Variants in ANO5 observed in about 807,000 individuals in gnomAD.
ANO5 encodes the protein anoctamin 5, also known as anoctamin-5.
ANO5 carries 109 observed loss-of-function variants against 121.0 expected under a neutral mutation model. The ratio of observed to expected loss-of-function variants is 0.90; its 90% CI spans 0.77 to 1.06. The LOEUF (loss-of-function observed/expected upper bound fraction) is 1.06. ANO5 is among the 50% of genes least tolerant of loss of function. The pLI is 0.00. For missense variants in ANO5, 1,064 were observed against 1,078.5 expected (o/e 0.99, Z 0.19); for synonymous variants, 406 against 359.9 (o/e 1.13, Z -1.45).
At chr11:22,245,327 G>A (rs1341761482) in intron 9 of ANO5, among the ~76,000 whole-genome samples, 1 of 152,154 alleles carries the variant, frequency 6.6e-6, no homozygotes, top group Non-Finnish European at 1.5e-5. Context: ...AGACCCCTCT[G>A]ATCGCTGGCA....
At chr11:22,214,481 T>A (rs1304031079) in intron 3 of ANO5, among the ~76,000 whole-genome samples, 1 of 151,952 alleles carries the variant, frequency 6.6e-6, no homozygotes, top group Non-Finnish European at 1.5e-5. Flanking sequence ...AAAGACTTTT[T>A]ACAAAGATGG....
chr11:22,274,533 G>C, intron 19 of ANO5, 36 bp from the exon 20 acceptor site: 1 of 1,538,124 alleles, frequency 6.5e-7, no homozygotes, highest in Non-Finnish European at 8.7e-7. Flanking sequence ...TAAATTGGCA[G>C]CTGATGATCT....
At chr11:22,260,103 T>G (rs1854145362) in intron 15 of ANO5, among the ~76,000 whole-genome samples, 1 of 152,226 alleles carries the variant, frequency 6.6e-6, no homozygotes, top group Non-Finnish European at 1.5e-5. Flanking sequence ...TATAAAGTAT[T>G]GATTTTGGAA....
At position 22,250,942 on chromosome 11, in the gene ANO5, T is replaced by G. The variant is rs1334854466; in HGVS notation, c.1120-9T>G. ...TATCTTTGTGATATTGTTATTGTTA[T>G]TTTTACAGTTCTCCCATTTGTTTGA... On this transcript the variant is annotated splice_polypyrimidine_tract_variant and intron_variant, in intron 11 of 21. Transcript: ENST00000324559. 6.2e-7 allele frequency: 1 copy of G among 1,612,116 alleles called. No individual in the cohort carries two copies. Among genetic ancestry groups the G allele is most frequent in the Non-Finnish European group, 8.5e-7 (1 of 1,178,670 alleles).
Position 22,255,434 on chromosome 11 carries a change from T to G in ANO5, c.1244T>G (p.Val415Gly). ...QARLEYEWDL[V>G]DFEEEQQQLQ... ...AGACTGGAATATGAATGGGACCTGG[T>G]GGACTTTGAAGAGGAACAGCAGCAG... Residue 415 changes from valine to glycine, a missense_variant, in exon 13 of 22, where the codon GTG becomes GGG. Physicochemically the swap from Val to Gly is moderately radical, Grantham distance 109 (BLOSUM62 -3). Coordinates refer to ENST00000324559, the MANE Select transcript of ANO5 (RefSeq NM_213599.3). 1 of 1,613,294 alleles carries G rather than the reference T, an allele frequency of 6.2e-7. No individual in the cohort carries two copies. The highest frequency in any genetic ancestry group is 8.5e-7 in the Non-Finnish European group (1 of 1,179,442).
intron 12 of ANO5, among the ~76,000 whole-genome samples, chr11:22,251,774 C>T (rs1853823290): frequency 6.6e-6 from 1 of 151,432 alleles, no homozygotes; most frequent in Non-Finnish European, 1.5e-5. Context: ...TGCCTGTAAT[C>T]CTAGCACTTT....
chr11:22,277,582 T>C (rs998499292), intron 21 of ANO5, among the ~76,000 whole-genome samples: 4 of 151,568 alleles, frequency 2.6e-5, no homozygotes, highest in African/African-American at 7.3e-5. Context: ...CTGTTTCCTG[T>C]CTTATATTCT....
Position 22,193,576 on chromosome 11 carries a change from G to T in ANO5, c.40+44G>T. The T allele has an allele frequency of 1.3e-6, 2 of 1,599,786 alleles. 1 individual carries two copies. The highest frequency in any genetic ancestry group is 2.2e-5 in the South Asian group (2 of 88,962). ...GCGTCAAGGGAGAGCCAGGCTGGCTGCCTGCACCCCTCCACCCGCGGCGCA... is the reference window on the plus strand; with the variant it reads ...GCGTCAAGGGAGAGCCAGGCTGGCTTCCTGCACCCCTCCACCCGCGGCGCA... On this transcript the variant is annotated intron_variant, in intron 1 of 21. Transcript: ENST00000324559.
At chr11:22,277,250 C>T (rs187766336) in intron 21 of ANO5, among the ~76,000 whole-genome samples, 16 of 151,538 alleles carry the variant, frequency 1.1e-4, no homozygotes, top group African/African-American at 3.9e-4. Context: ...ATAATTAAAG[C>T]ATATTTTTTT....
At chr11:22,257,209 T>C (rs546281642) in intron 13 of ANO5, among the ~76,000 whole-genome samples, 1 of 152,102 alleles carries the variant, frequency 6.6e-6, no homozygotes, top group African/African-American at 2.4e-5. Flanking sequence ...TCCTAAAGAC[T>C]AAAGGTGGAA....
chr11:22,212,435 T>G (rs1441613682), intron 3 of ANO5, among the ~76,000 whole-genome samples: 1 of 151,980 alleles, frequency 6.6e-6, no homozygotes, highest in Non-Finnish European at 1.5e-5. Flanking sequence ...GGAATTAGTC[T>G]TATAATATTT....
Position 22,280,319 on chromosome 11 carries a change from C to T in ANO5, c.*554C>T, listed in dbSNP as rs117180492. On this transcript the variant is annotated 3_prime_UTR_variant, in exon 22 of 22. Coordinates refer to ENST00000324559, the MANE Select transcript of ANO5 (RefSeq NM_213599.3). ...TAATGTATCATAGCAGAGGTTTATT[C>T]CTAACACATTCAACTACCATCAGAA... The T allele has an allele frequency of 0.026, 3,883 of 152,146 alleles. 75 individuals carry two copies. Among genetic ancestry groups the T allele is most frequent in the South Asian group, 0.05 (241 of 4,838 alleles). The allele number at this position is 152,146 out of a possible 1,614,324, so 9.4% of individuals were successfully genotyped here. A position where few individuals can be genotyped will look rare whatever the true frequency, so the allele number is the denominator to read the frequency against.
intron 3 of ANO5, among the ~76,000 whole-genome samples, chr11:22,214,737 C>G (rs553031051): frequency 6.6e-5 from 10 of 151,838 alleles, no homozygotes; most frequent in Non-Finnish European, 1.3e-4. Context: ...GTCAAGGGAG[C>G]TCTTTGGTTA....
Position 22,263,185 on chromosome 11 carries a change from G to C in ANO5, c.1898+142G>C. ...AAGAAAGCTTTATTTTTAATCAACA[G>C]TGAAGGTTGCATTAAAGTAATATAA... On this transcript the variant is annotated intron_variant, in intron 17 of 21. Coordinates refer to ENST00000324559, the MANE Select transcript of ANO5 (RefSeq NM_213599.3). The C allele has an allele frequency of 4.6e-6, 3 of 656,470 alleles. 1 individual carries two copies. The highest frequency in any genetic ancestry group is 7.9e-6 in the Non-Finnish European group (3 of 382,118). 40.7% of individuals were successfully genotyped at this position (656,470 alleles called of 1,614,324 possible). A position where few individuals can be genotyped will look rare whatever the true frequency, so the allele number is the denominator to read the frequency against.
rs1853618019 is a variant in ANO5, at chr11:22,246,446, T to G, written c.879-3791T>G. Among the ~76,000 whole-genome samples the G allele has an allele frequency of 6.6e-5, 10 of 152,130 alleles. No homozygotes were observed. In the South Asian group the frequency reaches 1.9e-3, roughly 28 times the overall value. Reference sequence around the variant, plus strand: ...GTAATTTGAGGATCATGACTTTCTCTGTCATGATACTGAAGGCCTGTATTG... The same window carrying G: ...GTAATTTGAGGATCATGACTTTCTCGGTCATGATACTGAAGGCCTGTATTG... On this transcript the variant is annotated intron_variant, in intron 9 of 21. Transcript: ENST00000324559.
chr11:22,218,742 G>A (rs117327134), intron 4 of ANO5, among the ~76,000 whole-genome samples: 9,713 of 151,914 alleles, frequency 0.064, 427 homozygotes, highest in South Asian at 0.1. Context: ...TGTATTTTTA[G>A]GAGAGATGAG....
At position 22,279,975 on chromosome 11, in the gene ANO5, C is replaced by G. The variant is rs182259314; in HGVS notation, c.*210C>G. On this transcript the variant is annotated 3_prime_UTR_variant, in exon 22 of 22. Transcript: ENST00000324559. ...ACTTCTCTGCTTCATTGACTGGGCC[C>G]TCTCCAGATGTTGTTTTCTGAGGTG... is the stretch of plus-strand genomic sequence containing the variant. The G allele has an allele frequency of 1.8e-5, 10 of 556,884 alleles. No homozygotes were observed. In the South Asian group the frequency reaches 2.0e-4, roughly 11 times the overall value. 34.5% of individuals were successfully genotyped at this position (556,884 alleles called of 1,614,324 possible).
chr11:22,194,324 A>G (rs1006891448), intron 1 of ANO5, among the ~76,000 whole-genome samples: 1 of 152,120 alleles, frequency 6.6e-6, no homozygotes, highest in African/African-American at 2.4e-5. Context: ...TTAGTGTTGG[A>G]TTTAAACACA....
chr11:22,269,113 G>A (rs1025217526), intron 17 of ANO5, among the ~76,000 whole-genome samples: 1 of 148,340 alleles, frequency 6.7e-6, no homozygotes, highest in Admixed American at 6.7e-5. Flanking sequence ...AGGAAGGGAG[G>A]GATTAAAGAA....
Sources: gnomAD v4.1 joint callset for allele counts (sites outside exome capture counted in the v4.1 genomes callset) on GRCh38, gnomAD v4.1.1 for gene constraint, MANE v1.5 for transcripts, NCBI Gene and HGNC (gene_info 2026-07-23, HGNC 2026-07-21) for gene names.